Variants in FAXC observed in about 807,000 individuals in gnomAD.
The protein encoded by FAXC is failed axon connections homolog, metaxin like GST domain containing, also known as failed axon connections homolog.
FAXC carries 10 observed loss-of-function variants against 41.9 expected under a neutral mutation model. That is an observed-to-expected ratio of 0.24 (90% CI 0.15 to 0.41). FAXC has a LOEUF of 0.41. Among genes scored for constraint, FAXC ranks in the 10% least tolerant of loss-of-function variants. The pLI, the probability that FAXC is intolerant of heterozygous loss-of-function variation, is 1.00. For missense variants in FAXC, 399 were observed against 510.9 expected, an observed-to-expected ratio of 0.78 and a Z score of 2.11; for synonymous variants, 183 against 183.8, an observed-to-expected ratio of 1.00 and a Z score of 0.03.
chr6:99,345,099 CA>C (rs1308179805), intron 1 of FAXC, among the ~76,000 whole-genome samples: 4 of 152,128 alleles, frequency 2.6e-5, no homozygotes, highest in African/African-American at 9.7e-5. Flanking sequence ...TAAGGAACAT[CA>C]ATTTAAGATT....
At chr6:99,334,290 A>G (rs1220407658) in intron 2 of FAXC, among the ~76,000 whole-genome samples, 4 of 152,204 alleles carry the variant, frequency 2.6e-5, no homozygotes. Context: ...CCTAACCTCA[A>G]AAAGGGTAAT....
chr6:99,338,734 C>A (rs1009058417), intron 2 of FAXC, among the ~76,000 whole-genome samples: 9 of 152,184 alleles, frequency 5.9e-5, no homozygotes, highest in African/African-American at 2.2e-4. Context: ...ACTGCCAAAA[C>A]CAAGCTGAAC....
chr6:99,315,256 A>C lies in FAXC; in HGVS notation c.823+8188T>G, dbSNP rs889109984. 3.7e-5 allele frequency among the ~76,000 whole-genome samples: 5 copies of C among 135,716 alleles called. 1 individual carries two copies. Among genetic ancestry groups the C allele is most frequent in the Admixed American group, 7.4e-5 (1 of 13,462 alleles). The allele number at this position is 135,716 out of a possible 152,430, so 89.0% of individuals were successfully genotyped here. On this transcript the variant is annotated intron_variant, in intron 4 of 5. Coordinates refer to ENST00000389677, the MANE Select transcript of FAXC (RefSeq NM_032511.4). The stretch of plus-strand genomic sequence containing the variant: ...TTAAAAAAAAAAAAAAAAAAAAAAA[A>C]AAAAAACCAGTAAATGTCACCTCCT...
Position 99,281,126 on chromosome 6 carries a change from T to C in FAXC, c.*38A>G, listed in dbSNP as rs1770814088. ...TGGGAAAATGGACCGACCCAGGGAGTGGCAGGTCCCAAGGAAGAGGGTCAG... is the reference window on the plus strand; with the variant it reads ...TGGGAAAATGGACCGACCCAGGGAGCGGCAGGTCCCAAGGAAGAGGGTCAG... On this transcript the variant is annotated 3_prime_UTR_variant, in exon 6 of 6. Coordinates refer to ENST00000389677, the MANE Select transcript of FAXC (RefSeq NM_032511.4). 1.1e-6 allele frequency: 1 copy of C among 947,082 alleles called. No homozygotes were observed. The highest frequency in any genetic ancestry group is 1.3e-5 in the South Asian group (1 of 74,726). The allele number at this position is 947,082 out of a possible 1,614,324, so 58.7% of individuals were successfully genotyped here.
chr6:99,289,709 G>A (rs1427790507), intron 5 of FAXC, among the ~76,000 whole-genome samples: 2 of 149,230 alleles, frequency 1.3e-5, no homozygotes, highest in African/African-American at 4.9e-5. Context: ...GTGTGTGTGT[G>A]TGTGTGTGTG....
At chr6:99,348,631 G>C (rs1773681276) in intron 1 of FAXC, among the ~76,000 whole-genome samples, 1 of 152,294 alleles carries the variant, frequency 6.6e-6, no homozygotes, top group African/African-American at 2.4e-5. Flanking sequence ...CTTTAACAGG[G>C]ACCCGCAGGT....
rs1448594211 is a variant in FAXC at position 99,276,969 on chromosome 6, G to C, written c.*4195C>G. 6.6e-6 allele frequency: 1 copy of C among 152,244 alleles called. No individual in the cohort carries two copies. The highest frequency in any genetic ancestry group is 1.5e-5 in the Non-Finnish European group (1 of 68,050). 9.4% of individuals were successfully genotyped at this position (152,244 alleles called of 1,614,324 possible). A position where few individuals can be genotyped will look rare whatever the true frequency, so the allele number is the denominator to read the frequency against. On this transcript the variant is annotated 3_prime_UTR_variant, in exon 6 of 6. Transcript: ENST00000389677. The stretch of plus-strand genomic sequence containing the variant: ...GATGAGTGCTTCATTTTCAAAGGAA[G>C]AGATTATAATCAGCTGGGAAGCCTT...
chr6:99,327,113 C>A (rs1250475605), intron 3 of FAXC, among the ~76,000 whole-genome samples: 1 of 152,162 alleles, frequency 6.6e-6, no homozygotes, highest in East Asian at 1.9e-4. Context: ...CTATCTTGCC[C>A]TTGATTTTTC....
chr6:99,318,482 T>C (rs1330093497), intron 4 of FAXC, among the ~76,000 whole-genome samples: 1 of 152,168 alleles, frequency 6.6e-6, no homozygotes, highest in Middle Eastern at 3.2e-3. Flanking sequence ...TTTTTAAAAA[T>C]TGCAGTGACT....
chr6:99,286,247 T>C (rs1771025384), intron 5 of FAXC, among the ~76,000 whole-genome samples: 1 of 152,198 alleles, frequency 6.6e-6, no homozygotes, highest in South Asian at 2.1e-4. Flanking sequence ...AATACTGTAA[T>C]GAAAACACCC....
At chr6:99,316,708 A>G (rs1273259059) in intron 4 of FAXC, among the ~76,000 whole-genome samples, 1 of 152,208 alleles carries the variant, frequency 6.6e-6, no homozygotes, top group Admixed American at 6.5e-5. Context: ...AGAGCAACCT[A>G]CAGATTTTCT....
In FAXC at chr6:99,275,362, T is replaced by C. The variant is rs1770562963; in HGVS notation, c.*5802A>G. The C allele has an allele frequency of 6.6e-6, 1 of 152,234 alleles. No homozygotes were observed. Among genetic ancestry groups the C allele is most frequent in the African/African-American group, 2.4e-5 (1 of 41,460 alleles). 9.4% of individuals were successfully genotyped at this position (152,234 alleles called of 1,614,324 possible). A position where few individuals can be genotyped will look rare whatever the true frequency, so the allele number is the denominator to read the frequency against. On this transcript the variant is annotated 3_prime_UTR_variant, in exon 6 of 6. Transcript: ENST00000389677. Reference sequence around the variant, plus strand: ...ACCGTATCCATCTTTTACTCCAGATTACTTGTTTTCCTACTGAAATGGTCA... The same window carrying C: ...ACCGTATCCATCTTTTACTCCAGATCACTTGTTTTCCTACTGAAATGGTCA...
intron 5 of FAXC, among the ~76,000 whole-genome samples, chr6:99,285,615 C>T (rs1582615934): frequency 6.6e-6 from 1 of 152,134 alleles, no homozygotes; most frequent in Non-Finnish European, 1.5e-5. Flanking sequence ...TTAAACTATA[C>T]CTTTGTAATT....
intron 4 of FAXC, among the ~76,000 whole-genome samples, chr6:99,300,392 T>C (rs558556828): frequency 6.6e-6 from 1 of 152,346 alleles, no homozygotes; most frequent in South Asian, 2.1e-4. Context: ...GGCAAATGCC[T>C]ACTCAGGCTC....
Position 99,349,265 on chromosome 6 carries a change from G to A in FAXC, c.108C>T (p.Phe36=). The A allele has an allele frequency of 1.2e-6, 2 of 1,613,772 alleles. No individual in the cohort carries two copies. Among genetic ancestry groups the A allele is most frequent in the Non-Finnish European group, 1.7e-6 (2 of 1,180,018 alleles). ...FGWWAGSEEP[F]SFYGDIIAFP... is the part of the protein sequence containing the mutation. ...AAGCGATGATGTCCCCATAAAAGGA[G>A]AAGGGCTCCTCGGACCCGGCCCACC... Residue 36 remains phenylalanine, a synonymous_variant, in exon 1 of 6, where the codon TTC becomes TTT. Transcript: ENST00000389677.
intron 4 of FAXC, among the ~76,000 whole-genome samples, chr6:99,320,740 A>C (rs1431940606): frequency 6.6e-6 from 1 of 152,152 alleles, no homozygotes; most frequent in Non-Finnish European, 1.5e-5. Context: ...CTCACTTGGG[A>C]TTCTTTTTCT....
At chr6:99,333,085 A>G (rs1277896664) in intron 3 of FAXC, among the ~76,000 whole-genome samples, 5 of 152,238 alleles carry the variant, frequency 3.3e-5, no homozygotes, top group Non-Finnish European at 7.3e-5. Flanking sequence ...GTGATAAAAC[A>G]GCAGAGTTGA....
At position 99,349,265 on chromosome 6, in the gene FAXC, G is replaced by T. The variant is rs199811148; in HGVS notation, c.108C>A (p.Phe36Leu). The T allele has an allele frequency of 2.4e-5, 39 of 1,613,772 alleles. No individual in the cohort carries two copies. In the East Asian group the frequency reaches 5.6e-4, roughly 23 times the overall value. The change falls in exon 1 of 6, where the codon TTC (phenylalanine) becomes TTA (leucine). Residue 36 changes from phenylalanine (F) to leucine (L), a missense_variant. Coordinates refer to ENST00000389677, the MANE Select transcript of FAXC (RefSeq NM_032511.4). ...AAGCGATGATGTCCCCATAAAAGGA[G>T]AAGGGCTCCTCGGACCCGGCCCACC... is the stretch of plus-strand genomic sequence containing the variant. ...FGWWAGSEEP[F>L]SFYGDIIAFP...
In FAXC at chr6:99,272,450, C is replaced by G. The variant is rs1770446103; in HGVS notation, c.*8714G>C. Reference sequence around the variant, plus strand: ...TTGGCCTCCCAAAGTCCTGGGATTACAGGCATGAGCCACTGCACCCTGCCT... The same window carrying G: ...TTGGCCTCCCAAAGTCCTGGGATTAGAGGCATGAGCCACTGCACCCTGCCT... On this transcript the variant is annotated 3_prime_UTR_variant, in exon 6 of 6. Coordinates refer to ENST00000389677, the MANE Select transcript of FAXC (RefSeq NM_032511.4). 1 of 152,378 alleles carries G rather than the reference C, an allele frequency of 6.6e-6. No homozygotes were observed. The highest frequency in any genetic ancestry group is 2.1e-4 in the South Asian group (1 of 4,834). The allele number at this position is 152,378 out of a possible 1,614,324, so 9.4% of individuals were successfully genotyped here.
Sources: gnomAD v4.1 joint callset for allele counts (sites outside exome capture counted in the v4.1 genomes callset) on GRCh38, gnomAD v4.1.1 for gene constraint, MANE v1.5 for transcripts, NCBI Gene and HGNC (gene_info 2026-07-23, HGNC 2026-07-21) for gene names.